C1orf141: variants seen among roughly 807,000 people sequenced by gnomAD.
C1orf141 encodes the protein uncharacterized protein C1orf141.
In C1orf141, 19 loss-of-function variants were observed where a neutral mutation model predicts 23.2. The observed-to-expected ratio is 0.82, with a 90% confidence interval of 0.57 to 1.20. The LOEUF is 1.20. C1orf141 is among the 50% of genes most tolerant of loss of function. The pLI is 0.00. For synonymous variants in C1orf141, 153 were observed against 154.6 expected (o/e 0.99, Z 0.08); for missense variants, 469 against 455.1 (o/e 1.03, Z -0.28).
At chr1:67,118,074 A>T (rs1646230928) in intron 4 of C1orf141, among the ~76,000 whole-genome samples, 1 of 152,330 alleles carries the variant, frequency 6.6e-6, no homozygotes, top group East Asian at 1.9e-4. Context: ...CCACTTAGTC[A>T]TAGTGGAGTA....
chr1:67,117,406 GA>G (rs1646215803), intron 4 of C1orf141, among the ~76,000 whole-genome samples: 1 of 152,194 alleles, frequency 6.6e-6, no homozygotes, highest in Non-Finnish European at 1.5e-5. Flanking sequence ...CTGGGTGACA[GA>G]GAGAGATTCT....
At chr1:67,117,567 C>T (rs887524152) in intron 4 of C1orf141, among the ~76,000 whole-genome samples, 2 of 151,912 alleles carry the variant, frequency 1.3e-5, no homozygotes, top group African/African-American at 2.4e-5. Flanking sequence ...TTTATCTGTT[C>T]CTTTCAAAAA....
At chr1:67,136,151 G>C (rs1263853023), upstream of C1orf141, among the ~76,000 whole-genome samples, 1 of 152,116 alleles carries the variant, frequency 6.6e-6, no homozygotes, top group African/African-American at 2.4e-5. Context: ...TCCCACCTCA[G>C]CCTCCCTAGT....
chr1:67,122,585 T>G (rs1178858279), intron 4 of C1orf141: 1 of 152,178 alleles, frequency 6.6e-6, no homozygotes, highest in African/African-American at 2.4e-5. Flanking sequence ...GTGGTACTTT[T>G]GTAAAAGAAT....
At position 67,101,875 on chromosome 1, in the gene C1orf141, G is replaced by C. The variant is rs147765538; in HGVS notation, c.347-5554C>G. On this transcript the variant is annotated intron_variant, in intron 5 of 7. Transcript: ENST00000684719. ...TGAACTAATAGAACATCCTGTCGCT[G>C]CTTTGAGGGAACACTTCAGAGAAGA... Among the ~76,000 whole-genome samples, 22 of 152,222 alleles carry C rather than the reference G, an allele frequency of 1.4e-4. 1 individual carries two copies. Among genetic ancestry groups the C allele is most frequent in the African/African-American group, 5.1e-4 (21 of 41,546 alleles).
intron 2 of C1orf141, among the ~76,000 whole-genome samples, chr1:67,130,536 T>TACGCACATGC (rs1215091753): frequency 6.6e-6 from 1 of 152,142 alleles, no homozygotes; most frequent in Admixed American, 6.5e-5. Flanking sequence ...CACACACACA[T>TACGCACATGC]ACGCACATGC....
intron 7 of C1orf141, chr1:67,095,006 AG>A (rs1232852179): frequency 9.2e-6 from 4 of 432,698 alleles, no homozygotes; most frequent in African/African-American, 2.0e-5. Flanking sequence ...AATTTGATAA[AG>A]GCTTCTTCAT....
chr1:67,115,553 C>T (rs923567030), intron 4 of C1orf141, 89 bp from the exon 5 acceptor site: 10 of 577,320 alleles, frequency 1.7e-5, no homozygotes, highest in Admixed American at 3.5e-5. Context: ...ATGTGAAGTC[C>T]TAGTTATACA....
chr1:67,109,864 T>G (rs1463680150), intron 5 of C1orf141, among the ~76,000 whole-genome samples: 1 of 152,118 alleles, frequency 6.6e-6, no homozygotes, highest in African/African-American at 2.4e-5. Flanking sequence ...AAAAGTGTAC[T>G]GAACAGTTAA....
chr1:67,115,184 A>T (rs1646168932), intron 5 of C1orf141, among the ~76,000 whole-genome samples, 168 bp downstream of exon 5: 3 of 152,224 alleles, frequency 2.0e-5, no homozygotes. Context: ...GTCCATTCTG[A>T]TATTTAACAT....
rs754951510 is a variant in C1orf141, at chr1:67,127,197, T to C, written c.44A>G (p.Gln15Arg). The change falls in exon 3 of 8, where the codon CAA becomes CGA. Residue 15 changes from glutamine (Q) to arginine (R), a missense_variant. By Grantham distance (43) the Gln-to-Arg change is conservative. This residue lies in a region of C1orf141 where 95 missense variants were observed against 90.3 expected (regional missense o/e 1.05). Coordinates refer to ENST00000684719, the MANE Select transcript of C1orf141 (RefSeq NM_001276351.2). ...TCTTCTGGCCAAGATTATCTCTGCT[T>C]GCTTATCAAGGACATCCAACTTCTC... ...ILEKLDVLDK[Q>R]AEIILARRTK... is the part of the protein sequence containing the mutation. 1.2e-6 allele frequency: 2 copies of C among 1,610,344 alleles called. No homozygotes were observed. The highest frequency in any genetic ancestry group is 1.7e-6 in the Non-Finnish European group (2 of 1,178,742).
At chr1:67,121,973 G>A (rs886715753) in intron 4 of C1orf141, 2 of 152,296 alleles carry the variant, frequency 1.3e-5, no homozygotes, top group Admixed American at 6.5e-5. Context: ...AAAATACTAA[G>A]TTGGACAGAC....
intron 2 of C1orf141, among the ~76,000 whole-genome samples, chr1:67,130,505 G>A (rs1416872207): frequency 2.0e-5 from 3 of 152,082 alleles, no homozygotes; most frequent in African/African-American, 7.2e-5. Flanking sequence ...ATTTTAAGAG[G>A]CAAAATGTCA....
Position 67,108,262 on chromosome 1 carries a change from G to T in C1orf141, c.346+7090C>A, listed in dbSNP as rs532955791. On this transcript the variant is annotated intron_variant, in intron 5 of 7. Coordinates refer to ENST00000684719, the MANE Select transcript of C1orf141 (RefSeq NM_001276351.2). ...CATCAGCAGATTTAGTGTTTAGTAA[G>T]GGCTCGCTCTCGGATTCATAGGTGG... Among the ~76,000 whole-genome samples, 101 of 152,270 alleles carry T rather than the reference G, an allele frequency of 6.6e-4. 1 individual carries two copies. The highest frequency in any genetic ancestry group is 2.3e-3 in the African/African-American group (96 of 41,570).
At chr1:67,116,497 C>T (rs542538078) in intron 4 of C1orf141, among the ~76,000 whole-genome samples, 8 of 152,008 alleles carry the variant, frequency 5.3e-5, no homozygotes, top group African/African-American at 1.4e-4. Flanking sequence ...ACATTCTCTT[C>T]GCAATACAGC....
chr1:67,115,997 C>T (rs571911950), intron 4 of C1orf141, among the ~76,000 whole-genome samples: 2 of 152,296 alleles, frequency 1.3e-5, no homozygotes, highest in Admixed American at 6.5e-5. Context: ...AGCCCTCAGA[C>T]CTCAGATACT....
chr1:67,131,079 C>T (rs1311533354), intron 2 of C1orf141, 63 bp downstream of exon 2: 1 of 152,204 alleles, frequency 6.6e-6, no homozygotes, highest in African/African-American at 2.4e-5. Context: ...AAACTAACTA[C>T]TAATCTTTTA....
chr1:67,097,514 G>T (rs1407235011), intron 5 of C1orf141, among the ~76,000 whole-genome samples: 1 of 152,228 alleles, frequency 6.6e-6, no homozygotes, highest in Non-Finnish European at 1.5e-5. Flanking sequence ...GAATTAGGAG[G>T]AGAGTGGAGT....
chr1:67,113,258 G>T lies in C1orf141; in HGVS notation c.346+2094C>A, dbSNP rs575639298. 1.6e-4 allele frequency among the ~76,000 whole-genome samples: 25 copies of T among 152,154 alleles called. 1 individual carries two copies. The highest frequency in any genetic ancestry group is 1.5e-5 in the Non-Finnish European group (1 of 67,990). On this transcript the variant is annotated intron_variant, in intron 5 of 7. Transcript: ENST00000684719. ...ACCTCCCAAAGATCTGGGATTACAG[G>T]TGTGAACCACCCTGCCTGGTTGAAG...
Sources: gnomAD v4.1 joint callset for allele counts (sites outside exome capture counted in the v4.1 genomes callset) on GRCh38, gnomAD v4.1.1 for gene constraint, gnomAD v4.1.1 regional missense constraint, MANE v1.5 for transcripts, NCBI Gene and HGNC (gene_info 2026-07-23, HGNC 2026-07-21) for gene names.